Variants in STAT4 observed in about 807,000 individuals in gnomAD.
STAT4 encodes signal transducer and activator of transcription 4.
Under a neutral mutation model 110.5 loss-of-function variants are expected in STAT4, and 42 were observed. The observed-to-expected ratio is 0.38, with a 90% CI of 0.30 to 0.49. The LOEUF (loss-of-function observed/expected upper bound fraction) is 0.49. Among genes scored for constraint, STAT4 ranks in the 20% least tolerant of loss-of-function variants. The pLI is 0.95. For synonymous variants in STAT4, 284 were observed against 302.2 expected (o/e 0.94, Z 0.63); for missense variants, 632 against 887.9 (o/e 0.71, Z 3.66).
At position 191,042,180 on chromosome 2, in the gene STAT4, CA is replaced by C. The variant is rs1696221579; in HGVS notation, c.1252-1033del. The stretch of plus-strand genomic sequence containing the variant: ...ATCACCCTAAGTCTACAGTTCTCAA[CA>C]CGCACATAGAATTTTCAGGCTGTTT... On this transcript the variant is annotated intron_variant, in intron 14 of 23. Transcript: ENST00000392320. The surrounding 1 kb of genome is among the most constrained non-coding windows in gnomAD (Gnocchi z 4.2). 2.0e-5 allele frequency among the ~76,000 whole-genome samples: 3 copies of C among 152,300 alleles called. No individual in the cohort carries two copies. The South Asian group carries it at 6.2e-4, about 32-fold the overall frequency.
In STAT4 at chr2:191,031,308, G is replaced by T. The variant is rs771199453; in HGVS notation, c.2111+142C>A. On this transcript the variant is annotated intron_variant, in intron 22 of 23. Transcript: ENST00000392320. The surrounding 1 kb of genome is among the most constrained non-coding windows in gnomAD (Gnocchi z 4.8). The stretch of plus-strand genomic sequence containing the variant: ...TAGATTGTGGTAAGTGTGCCCTGAA[G>T]GCTAGCCTTATGTATTAAAGGAAAT... 1.0e-6 allele frequency: 1 copy of T among 991,466 alleles called. No homozygotes were observed. The highest frequency in any genetic ancestry group is 1.5e-6 in the Non-Finnish European group (1 of 679,238). 61.4% of individuals were successfully genotyped at this position (991,466 alleles called of 1,614,324 possible).
chr2:191,068,683 A>G (rs1225361548), intron 6 of STAT4: 1 of 152,270 alleles, frequency 6.6e-6, no homozygotes, highest in East Asian at 1.9e-4. Context: ...AATAGCACAG[A>G]GTTCTCATAT....
chr2:191,070,074 G>A (rs2125250743), intron 5 of STAT4, among the ~76,000 whole-genome samples: 1 of 151,898 alleles, frequency 6.6e-6, no homozygotes, highest in Non-Finnish European at 1.5e-5. Flanking sequence ...TTTTTTAATT[G>A]GAGAATATGA....
intron 3 of STAT4, among the ~76,000 whole-genome samples, chr2:191,088,325 CA>C (rs1165039061): frequency 6.6e-6 from 1 of 151,816 alleles, no homozygotes; most frequent in African/African-American, 2.4e-5. Flanking sequence ...CATATTAGCA[CA>C]AAAAATGAAA....
chr2:191,084,255 C>T (rs534253188), intron 3 of STAT4, among the ~76,000 whole-genome samples: 1 of 149,878 alleles, frequency 6.7e-6, no homozygotes, highest in South Asian at 2.2e-4. Flanking sequence ...GAGCAAGACT[C>T]CGTCTAAAAA....
intron 3 of STAT4, among the ~76,000 whole-genome samples, chr2:191,127,777 C>G (rs1698921015): frequency 6.6e-6 from 1 of 152,124 alleles, no homozygotes; most frequent in South Asian, 2.1e-4. Context: ...TAAAGAAGCC[C>G]CATACTCTGG....
At position 191,037,489 on chromosome 2, in the gene STAT4, G is replaced by A. The variant is rs1462172512; in HGVS notation, c.1435-1190C>T. On this transcript the variant is annotated intron_variant, in intron 16 of 23. Transcript: ENST00000392320. This position sits in a 1 kb window ranked among gnomAD's most constrained non-coding sequence, Gnocchi z 4.8. ...ATATTCTGTGTGATCGACTACAAAC[G>A]AGATTGTGCCAGAAACCAGGTCAAC... Among the ~76,000 whole-genome samples the A allele has an allele frequency of 1.3e-5, 2 of 152,084 alleles. No homozygotes were observed. Among genetic ancestry groups the A allele is most frequent in the Non-Finnish European group, 2.9e-5 (2 of 68,026 alleles).
At chr2:191,081,200 C>T (rs1452247857) in intron 3 of STAT4, among the ~76,000 whole-genome samples, 1 of 152,168 alleles carries the variant, frequency 6.6e-6, no homozygotes, top group Admixed American at 6.6e-5. Context: ...CATAGTATTC[C>T]ATGGTGTATA....
chr2:191,047,646 A>G (rs1163011842), intron 14 of STAT4, among the ~76,000 whole-genome samples: 2 of 152,062 alleles, frequency 1.3e-5, no homozygotes, highest in Non-Finnish European at 1.5e-5. Flanking sequence ...TCACTCTCAC[A>G]TTCCAGCCTC....
rs956194949 is a variant in STAT4, at chr2:191,068,067, G to A, written c.545-1552C>T. The A allele has an allele frequency of 2.0e-5, 3 of 152,006 alleles. No homozygotes were observed. The South Asian group carries it at 6.2e-4, about 31-fold the overall frequency. The allele number at this position is 152,006 out of a possible 1,614,324, so 9.4% of individuals were successfully genotyped here. A position where few individuals can be genotyped will look rare whatever the true frequency, so the allele number is the denominator to read the frequency against. ...AAAACTTCTTTAGCTAACCTTTCCCGTCTTCACCAAGGATATAATAGCTTG... is the reference window on the plus strand; with the variant it reads ...AAAACTTCTTTAGCTAACCTTTCCCATCTTCACCAAGGATATAATAGCTTG... On this transcript the variant is annotated intron_variant, in intron 6 of 23. Coordinates refer to ENST00000392320, the MANE Select transcript of STAT4 (RefSeq NM_003151.4).
rs1295433171 is a variant in STAT4 at position 191,143,315 on chromosome 2, A to G, written c.273+3298T>C. Among the ~76,000 whole-genome samples the G allele has an allele frequency of 6.6e-6, 1 of 152,228 alleles. No homozygotes were observed. The highest frequency in any genetic ancestry group is 2.4e-5 in the African/African-American group (1 of 41,458). The stretch of plus-strand genomic sequence containing the variant: ...CTCCTAACATTTCTGTGAGGAAAGT[A>G]CCAGTGTGATTGCCCCTTACACTGC... On this transcript the variant is annotated intron_variant, in intron 3 of 23. Coordinates refer to ENST00000392320, the MANE Select transcript of STAT4 (RefSeq NM_003151.4). This position sits in a 1 kb window ranked among gnomAD's most constrained non-coding sequence, Gnocchi z 5.6.
At chr2:191,076,367 T>C in intron 3 of STAT4, 42 bp from the exon 4 acceptor site, 1 of 1,402,504 alleles carries the variant, frequency 7.1e-7, no homozygotes, top group Non-Finnish European at 1.0e-6. Flanking sequence ...AACGTAAAGC[T>C]TAAATATATG....
At position 191,086,465 on chromosome 2, in the gene STAT4, CA is replaced by C. The variant is rs1396956477; in HGVS notation, c.274-10141del. 6.6e-6 allele frequency among the ~76,000 whole-genome samples: 1 copy of C among 152,128 alleles called. No homozygotes were observed. The highest frequency in any genetic ancestry group is 1.5e-5 in the Non-Finnish European group (1 of 68,000). On this transcript the variant is annotated intron_variant, in intron 3 of 23. Coordinates refer to ENST00000392320, the MANE Select transcript of STAT4 (RefSeq NM_003151.4). The surrounding 1 kb of genome is among the most constrained non-coding windows in gnomAD (Gnocchi z 5.5). ...CTAATTTTAAAAAGAGCCTGTATAG[CA>C]AATAATTACTTTCAATGCATTTTAT...
chr2:191,148,999 C>T (rs780846946), intron 1 of STAT4, among the ~76,000 whole-genome samples: 28 of 152,110 alleles, frequency 1.8e-4, no homozygotes, highest in African/African-American at 4.1e-4. Flanking sequence ...AAGAAAAGTA[C>T]GCATTTCCCC....
chr2:191,122,523 T>C lies in STAT4; in HGVS notation c.273+24090A>G, dbSNP rs571641853. Among the ~76,000 whole-genome samples, 8 of 152,262 alleles carry C rather than the reference T, an allele frequency of 5.3e-5. No homozygotes were observed. The South Asian group carries it at 1.7e-3, about 32-fold the overall frequency. On this transcript the variant is annotated intron_variant, in intron 3 of 23. Transcript: ENST00000392320. ...TGGGAATATGCTCAAAAGAAATGAGTGCTTATGCCTACTACTAAAAGTTAC... is the reference window on the plus strand; with the variant it reads ...TGGGAATATGCTCAAAAGAAATGAGCGCTTATGCCTACTACTAAAAGTTAC...
At chr2:191,070,293 C>A (rs930250674) in intron 5 of STAT4, among the ~76,000 whole-genome samples, 1 of 152,066 alleles carries the variant, frequency 6.6e-6, no homozygotes, top group East Asian at 1.9e-4. Context: ...CTTTACTTTT[C>A]CCCAAACCTG....
At chr2:191,047,742 T>C (rs1317009795) in intron 14 of STAT4, among the ~76,000 whole-genome samples, 1 of 152,230 alleles carries the variant, frequency 6.6e-6, no homozygotes, top group Non-Finnish European at 1.5e-5. Flanking sequence ...CTTGGCTCAC[T>C]GCAACCTCCA....
intron 8 of STAT4, among the ~76,000 whole-genome samples, chr2:191,064,581 GA>G (rs1250325355): frequency 6.6e-6 from 1 of 152,188 alleles, no homozygotes; most frequent in Non-Finnish European, 1.5e-5. Flanking sequence ...TCTTGCATGT[GA>G]AAATTAAGCA....
At position 191,130,244 on chromosome 2, in the gene STAT4, A is replaced by G. The variant is rs1443238698; in HGVS notation, c.273+16369T>C. ...CCTTTTTTTTTTTTTTTTTTTTGAG[A>G]CAGAATCTTGGCCTGCCGCCCAGGC... is the stretch of plus-strand genomic sequence containing the variant. On this transcript the variant is annotated intron_variant, in intron 3 of 23. Transcript: ENST00000392320. Among the ~76,000 whole-genome samples, 14 of 130,904 alleles carry G rather than the reference A, an allele frequency of 1.1e-4. No individual in the cohort carries two copies. In the East Asian group the frequency reaches 2.5e-3, roughly 24 times the overall value. 85.9% of individuals were successfully genotyped at this position (130,904 alleles called of 152,430 possible). A position where few individuals can be genotyped will look rare whatever the true frequency, so the allele number is the denominator to read the frequency against.
Sources: gnomAD v4.1 joint callset for allele counts (sites outside exome capture counted in the v4.1 genomes callset) on GRCh38, gnomAD v4.1.1 for gene constraint, Gnocchi (gnomAD v3.1) non-coding constraint, MANE v1.5 for transcripts, NCBI Gene and HGNC (gene_info 2026-07-23, HGNC 2026-07-21) for gene names.